VPS35L: variants seen among roughly 807,000 people sequenced by gnomAD.
VPS35L encodes VPS35 endosomal protein-sorting factor-like.
VPS35L carries 83 observed loss-of-function variants against 133.0 expected under a neutral mutation model. The observed-to-expected ratio is 0.62, with a 90% CI of 0.52 to 0.75. VPS35L has a LOEUF of 0.75. VPS35L is among the 30% of genes least tolerant of loss of function. The pLI is 0.00. For synonymous variants in VPS35L, 423 were observed against 449.9 expected, an observed-to-expected ratio of 0.94 and a Z score of 0.76; for missense variants, 1,083 against 1,206.8, an observed-to-expected ratio of 0.90 and a Z score of 1.52.
At chr16:19,660,493 G>A (rs1974448676) in intron 26 of VPS35L, among the ~76,000 whole-genome samples, 1 of 152,088 alleles carries the variant, frequency 6.6e-6, no homozygotes, top group African/African-American at 2.4e-5. Flanking sequence ...TTGAGGTTTT[G>A]TTCAGCCTCA....
At chr16:19,621,976 G>A (rs542902814) in intron 14 of VPS35L, among the ~76,000 whole-genome samples, 98 of 152,034 alleles carry the variant, frequency 6.4e-4, no homozygotes, top group Non-Finnish European at 1.1e-3. Context: ...GTGTGTATGT[G>A]TGCATGTGTG....
At chr16:19,592,269 A>G (rs1480114939) in intron 8 of VPS35L, among the ~76,000 whole-genome samples, 1 of 149,074 alleles carries the variant, frequency 6.7e-6, no homozygotes, top group African/African-American at 2.5e-5. Context: ...TGGTAGAGAC[A>G]GAGTCTCGCA....
chr16:19,596,655 C>G (rs1972225641), intron 8 of VPS35L, among the ~76,000 whole-genome samples: 1 of 152,066 alleles, frequency 6.6e-6, no homozygotes, highest in South Asian at 2.1e-4. Flanking sequence ...AGAAGCAACT[C>G]AAGTGGCCAT....
At chr16:19,631,428 C>T (rs1038112119) in intron 18 of VPS35L, among the ~76,000 whole-genome samples, 3 of 152,112 alleles carry the variant, frequency 2.0e-5, no homozygotes, top group African/African-American at 4.8e-5. Flanking sequence ...CCTCTAACAC[C>T]AAAATTGATG....
chr16:19,633,769 G>T lies in VPS35L; in HGVS notation c.1635+597G>T, dbSNP rs1973533265. Reference sequence around the variant, plus strand: ...TTGTTTTGTTTTGAGACGGAGTCTTGCTCTGTTGCCCAGGCTGGAGTGCAG... The same window carrying T: ...TTGTTTTGTTTTGAGACGGAGTCTTTCTCTGTTGCCCAGGCTGGAGTGCAG... On this transcript the variant is annotated intron_variant, in intron 19 of 30. Transcript: ENST00000417362. The surrounding 1 kb of genome is among the most constrained non-coding windows in gnomAD (Gnocchi z 4.1). Among the ~76,000 whole-genome samples, 1 of 151,772 alleles carries T rather than the reference G, an allele frequency of 6.6e-6. No individual in the cohort carries two copies. Among genetic ancestry groups the T allele is most frequent in the Non-Finnish European group, 1.5e-5 (1 of 67,966 alleles).
At chr16:19,650,895 T>A (rs975052974) in intron 25 of VPS35L, among the ~76,000 whole-genome samples, 4 of 152,160 alleles carry the variant, frequency 2.6e-5, no homozygotes, top group Non-Finnish European at 5.9e-5. Context: ...TTTGTTTTTC[T>A]TGAGACGGAG....
intron 26 of VPS35L, among the ~76,000 whole-genome samples, chr16:19,663,950 G>T (rs951546259): frequency 4.0e-5 from 6 of 151,876 alleles, no homozygotes; most frequent in Non-Finnish European, 7.4e-5. Context: ...GGTTTTAATG[G>T]CTTTGTGTTC....
intron 28 of VPS35L, among the ~76,000 whole-genome samples, chr16:19,686,886 A>ATG (rs1975479326): frequency 6.6e-6 from 1 of 152,116 alleles, no homozygotes; most frequent in Non-Finnish European, 1.5e-5. Flanking sequence ...AGATTTTAGT[A>ATG]TCCCATGATC....
At chr16:19,616,590 A>G (rs1262259647) in intron 13 of VPS35L, 96 bp from the exon 14 acceptor site, 4 of 1,457,406 alleles carry the variant, frequency 2.7e-6, no homozygotes, top group Non-Finnish European at 3.7e-6. Flanking sequence ...GGCTGTCCAC[A>G]TGCTTACAAG....
chr16:19,568,553 C>T (rs1971262161), intron 2 of VPS35L, among the ~76,000 whole-genome samples: 1 of 152,040 alleles, frequency 6.6e-6, no homozygotes. Context: ...GTGACCAGAC[C>T]CCATCCTGAA....
chr16:19,624,336 A>G (rs983857611), intron 14 of VPS35L, among the ~76,000 whole-genome samples: 1 of 151,872 alleles, frequency 6.6e-6, no homozygotes, highest in African/African-American at 2.4e-5. Flanking sequence ...TAATCCCAGC[A>G]CTTTGCAGGG....
chr16:19,561,214 C>CA (rs1185259776), intron 1 of VPS35L, among the ~76,000 whole-genome samples: 5 of 151,798 alleles, frequency 3.3e-5, no homozygotes, highest in Admixed American at 6.6e-5. Flanking sequence ...ACTAAAAATA[C>CA]AAAAAAATTA....
chr16:19,569,208 C>T (rs779651921), intron 2 of VPS35L: 11 of 707,662 alleles, frequency 1.6e-5, no homozygotes, highest in South Asian at 4.5e-5. Context: ...TTTAACACTT[C>T]CTAACCCTAA....
Position 19,601,741 on chromosome 16 carries a change from C to A in VPS35L, c.784+18C>A, listed in dbSNP as rs375358915. 15 of 1,613,324 alleles carry A rather than the reference C, an allele frequency of 9.3e-6. No homozygotes were observed. The African/African-American group carries it at 1.9e-4, about 20-fold the overall frequency. ...CTTACCAGGTAATGTCGCAGCTGTT[C>A]CTGGGGTGTCATTCTGCCCTGGAGT... is the stretch of plus-strand genomic sequence containing the variant. On this transcript the variant is annotated intron_variant, in intron 9 of 30. Coordinates refer to ENST00000417362, the MANE Select transcript of VPS35L (RefSeq NM_020314.7).
In VPS35L at chr16:19,675,385, T is replaced by C. The variant is rs114802563; in HGVS notation, c.2361+6086T>C. On this transcript the variant is annotated intron_variant, in intron 27 of 30. Transcript: ENST00000417362. ...AGCAATTTATCTGTCAATGGACATA[T>C]AGATTGTTTCCACATCTGAGCTCTT... is the stretch of plus-strand genomic sequence containing the variant. 7.6e-3 allele frequency among the ~76,000 whole-genome samples: 1,152 copies of C among 152,124 alleles called. 14 individuals are homozygous for C. The highest frequency in any genetic ancestry group is 0.027 in the African/African-American group (1,119 of 41,514).
chr16:19,647,854 TG>T lies in VPS35L; in HGVS notation c.2002del (p.Glu668SerfsTer7). 6.8e-6 allele frequency: 11 copies of T among 1,614,126 alleles called. No individual in the cohort carries two copies. Among genetic ancestry groups the T allele is most frequent in the Non-Finnish European group, 9.3e-6 (11 of 1,179,958 alleles). Reference sequence around the variant, plus strand: ...GAGTCCAGGTCGATGTTTTGCAATCTGGAGCCTGTTCTTGTGCAGTTGATTC... The same window carrying T: ...GAGTCCAGGTCGATGTTTTGCAATCTGAGCCTGTTCTTGTGCAGTTGATTC... ...YVESRSMFCN[L>X]EPVLVQLIHS... On this transcript the variant is annotated frameshift_variant, in exon 24 of 31. Transcript: ENST00000417362. LOFTEE classifies it high-confidence loss of function.
Position 19,570,873 on chromosome 16 carries a change from A to ATTTTTT in VPS35L, c.285+1283_285+1284insTTTTTT, listed in dbSNP as rs1438392929. On this transcript the variant is annotated intron_variant, in intron 3 of 30. Transcript: ENST00000417362. ...TATATATATATATATATATATATAT[A>ATTTTTT]TATATATATATATATATTTTTGAGA... Among the ~76,000 whole-genome samples, 2 of 56,870 alleles carry ATTTTTT rather than the reference A, an allele frequency of 3.5e-5. 1 individual carries two copies. Among genetic ancestry groups the ATTTTTT allele is most frequent in the African/African-American group, 2.7e-4 (2 of 7,532 alleles). The allele number at this position is 56,870 out of a possible 152,430, so 37.3% of individuals were successfully genotyped here. A position where few individuals can be genotyped will look rare whatever the true frequency, so the allele number is the denominator to read the frequency against.
Position 19,555,751 on chromosome 16 carries a change from G to A in VPS35L, c.17+5G>A. 6.3e-7 allele frequency: 1 copy of A among 1,574,942 alleles called. No individual in the cohort carries two copies. The highest frequency in any genetic ancestry group is 8.6e-7 in the Non-Finnish European group (1 of 1,161,152). ...GAAGATGGCCGTCTTTCCTTGGTAA[G>A]GAAGCAGCGGCGGGTGGGCTTTGGA... is the stretch of plus-strand genomic sequence containing the variant. On this transcript the variant is annotated splice_donor_5th_base_variant and intron_variant, in intron 1 of 30. Transcript: ENST00000417362.
At chr16:19,635,556 A>G (rs1973598102) in intron 19 of VPS35L, among the ~76,000 whole-genome samples, 1 of 152,206 alleles carries the variant, frequency 6.6e-6, no homozygotes, top group Non-Finnish European at 1.5e-5. Context: ...ACTAATTGAG[A>G]CAATCAACAG....
Sources: allele counts gnomAD v4.1 joint callset (sites outside exome capture counted in the v4.1 genomes callset), GRCh38; gene constraint gnomAD v4.1.1; non-coding constraint Gnocchi (gnomAD v3.1); transcripts MANE v1.5; gene names NCBI Gene and HGNC (gene_info 2026-07-23, HGNC 2026-07-21).